Variants in NTM observed in about 807,000 individuals in gnomAD.
NTM encodes the protein neurotrimin.
In NTM, 13 loss-of-function variants were observed where a neutral mutation model predicts 42.1. The observed-to-expected ratio is 0.31, with a 90% CI of 0.20 to 0.49. NTM has a LOEUF of 0.49. NTM is among the 20% of genes least tolerant of loss of function. The pLI is 0.99. For missense variants in NTM, 373 were observed against 452.8 expected, an observed-to-expected ratio of 0.82 and a Z score of 1.60; for synonymous variants, 187 against 179.2, an observed-to-expected ratio of 1.04 and a Z score of -0.35.
intron 1 of NTM, among the ~76,000 whole-genome samples, chr11:131,426,406 C>T (rs751078619): frequency 2.0e-5 from 3 of 152,102 alleles, no homozygotes; most frequent in East Asian, 3.9e-4. Flanking sequence ...TCCACACACC[C>T]GAGGAACCCT....
intron 1 of NTM, among the ~76,000 whole-genome samples, chr11:131,442,225 C>A (rs1181744863): frequency 6.6e-6 from 1 of 152,084 alleles, no homozygotes; most frequent in Non-Finnish European, 1.5e-5. Context: ...GGCTGAAAGT[C>A]GCAGTAGACA....
In NTM at chr11:131,552,817, C is replaced by CAA. The variant is rs61457986; in HGVS notation, c.82+181942_82+181943dup. ...TGGGCAACAGAGCAAGACTCCGTCT[C>CAA]AAAAAAAAAAAAAATAATAGCCTCA... On this transcript the variant is annotated intron_variant, in intron 1 of 8. Transcript: ENST00000683400. 2.7e-3 allele frequency among the ~76,000 whole-genome samples: 378 copies of CAA among 141,992 alleles called. 1 individual carries two copies. The highest frequency in any genetic ancestry group is 0.015 in the Middle Eastern group (4 of 266). 93.2% of individuals were successfully genotyped at this position (141,992 alleles called of 152,430 possible).
intron 1 of NTM, among the ~76,000 whole-genome samples, chr11:131,723,924 A>G (rs1350698121): frequency 6.6e-6 from 1 of 152,250 alleles, no homozygotes; most frequent in African/African-American, 2.4e-5. Context: ...CTATCTGCTA[A>G]GAAGGCCTAG....
intron 1 of NTM, among the ~76,000 whole-genome samples, chr11:131,793,330 T>C (rs1324621882): frequency 6.6e-6 from 1 of 152,236 alleles, no homozygotes; most frequent in Non-Finnish European, 1.5e-5. Context: ...TGAAAGACCA[T>C]CTCTGTCTTT....
At chr11:131,439,016 G>A (rs145028742) in intron 1 of NTM, among the ~76,000 whole-genome samples, 8,947 of 152,260 alleles carry the variant, frequency 0.059, 339 homozygotes, top group Non-Finnish European at 0.085. Flanking sequence ...TTTTCTGTTT[G>A]TTAGTTTTCC....
At chr11:132,066,088 C>T (rs1451055696) in intron 2 of NTM, among the ~76,000 whole-genome samples, 1 of 152,162 alleles carries the variant, frequency 6.6e-6, no homozygotes, top group African/African-American at 2.4e-5. Flanking sequence ...TAGAATACCT[C>T]TAACATGATG....
chr11:132,329,809 G>A (rs1169690923), intron 7 of NTM, among the ~76,000 whole-genome samples: 7 of 152,248 alleles, frequency 4.6e-5, no homozygotes, highest in African/African-American at 1.4e-4. Context: ...AGCCTATTTG[G>A]TTTGGTGTCT....
intron 1 of NTM, among the ~76,000 whole-genome samples, chr11:131,470,631 G>T (rs547730618): frequency 2.0e-5 from 3 of 152,266 alleles, no homozygotes; most frequent in South Asian, 4.1e-4. Context: ...TGCCCCAAAG[G>T]CTCCCCGAGT....
intron 2 of NTM, among the ~76,000 whole-genome samples, chr11:132,049,270 C>A (rs929696863): frequency 6.6e-6 from 1 of 152,150 alleles, no homozygotes; most frequent in African/African-American, 2.4e-5. Flanking sequence ...GAGGAAGACA[C>A]CCCCAGGCGG....
chr11:131,985,358 T>C (rs2134999041), intron 2 of NTM, among the ~76,000 whole-genome samples: 1 of 152,320 alleles, frequency 6.6e-6, no homozygotes, highest in Middle Eastern at 3.4e-3. Context: ...ACATTTTTGA[T>C]TTAATCATGC....
chr11:132,181,738 C>T (rs751472319), intron 3 of NTM, among the ~76,000 whole-genome samples: 13 of 152,142 alleles, frequency 8.5e-5, no homozygotes, highest in Non-Finnish European at 1.5e-4. Context: ...TTTGATGCCT[C>T]TTCTGTTCCT....
At chr11:131,798,679 C>T (rs1010996256) in intron 1 of NTM, among the ~76,000 whole-genome samples, 1 of 152,216 alleles carries the variant, frequency 6.6e-6, no homozygotes, top group African/African-American at 2.4e-5. Flanking sequence ...TGGCCATTGT[C>T]CATTTCTACT....
chr11:131,795,699 T>C, intron 1 of NTM: 2 of 985,374 alleles, frequency 2.0e-6, no homozygotes, highest in Non-Finnish European at 2.4e-6. Context: ...TTTACGGCAT[T>C]TTCTTTCTGT....
chr11:131,518,715 T>C (rs575588242), intron 1 of NTM, among the ~76,000 whole-genome samples: 1 of 152,308 alleles, frequency 6.6e-6, no homozygotes, highest in South Asian at 2.1e-4. Context: ...TTGCATACTT[T>C]CCTCATCTTT....
At chr11:132,243,908 G>A (rs1389132053) in intron 4 of NTM, among the ~76,000 whole-genome samples, 1 of 152,196 alleles carries the variant, frequency 6.6e-6, no homozygotes, top group Non-Finnish European at 1.5e-5. Context: ...AGGCAGGAGT[G>A]GAGGCTGCCA....
In NTM at chr11:131,910,721, C is replaced by T. The variant is rs1048088835; in HGVS notation, c.83-843C>T. 235 of 523,418 alleles carry T rather than the reference C, an allele frequency of 4.5e-4. 1 individual carries two copies. The African/African-American group carries it at 4.5e-3, about 10-fold the overall frequency. The allele number at this position is 523,418 out of a possible 1,614,324, so 32.4% of individuals were successfully genotyped here. On this transcript the variant is annotated intron_variant, in intron 1 of 8. Transcript: ENST00000683400. ...GCGCCGCGCCTTCCCCAGCGAGCTA[C>T]CGAGCTTGGGGCCGCCGCGGTCCGC...
chr11:131,803,517 C>A (rs944272538), intron 1 of NTM, among the ~76,000 whole-genome samples: 4 of 152,140 alleles, frequency 2.6e-5, no homozygotes, highest in African/African-American at 9.7e-5. Context: ...CCTATGTTGG[C>A]GAGGCTAGTC....
intron 1 of NTM, among the ~76,000 whole-genome samples, chr11:131,597,502 C>T (rs2059914633): frequency 6.6e-6 from 1 of 152,178 alleles, no homozygotes; most frequent in Non-Finnish European, 1.5e-5. Context: ...CATTCTGGGC[C>T]AAGGTCCTCT....
chr11:131,992,649 A>G (rs891957568), intron 2 of NTM, among the ~76,000 whole-genome samples: 1 of 152,162 alleles, frequency 6.6e-6, no homozygotes, highest in African/African-American at 2.4e-5. Flanking sequence ...CAGAAGTAAG[A>G]GCATCTAAGA....
Sources: allele counts gnomAD v4.1 joint callset (sites outside exome capture counted in the v4.1 genomes callset), GRCh38; gene constraint gnomAD v4.1.1; transcripts MANE v1.5; gene names NCBI Gene and HGNC (gene_info 2026-07-23, HGNC 2026-07-21).